The following XYLT1 variants were observed in gnomAD, a reference collection of about 807,000 sequenced individuals.
XYLT1 encodes the protein xylosyltransferase 1.
In XYLT1, 36 loss-of-function variants were observed where a neutral mutation model predicts 91.3. The ratio of observed to expected loss-of-function variants is 0.39; its 90% CI spans 0.30 to 0.52. XYLT1 has a LOEUF of 0.52. XYLT1 is among the 20% of genes least tolerant of loss of function. The pLI, the probability that XYLT1 is intolerant of heterozygous loss-of-function variation, is 0.68. For synonymous variants in XYLT1, 588 were observed against 532.0 expected (o/e 1.11, Z -1.45); for missense variants, 1,242 against 1,284.5 (o/e 0.97, Z 0.51).
intron 2 of XYLT1, among the ~76,000 whole-genome samples, chr16:17,343,162 C>T (rs1186843724): frequency 6.6e-6 from 1 of 152,162 alleles, no homozygotes; most frequent in African/African-American, 2.4e-5. Flanking sequence ...GAGTAAATGC[C>T]AGCAAGGGTT....
intron 2 of XYLT1, among the ~76,000 whole-genome samples, chr16:17,282,583 G>A (rs928251554): frequency 5.3e-5 from 8 of 152,194 alleles, no homozygotes; most frequent in South Asian, 2.1e-4. Flanking sequence ...GAAGGGCACC[G>A]GCATTTCTGC....
At chr16:17,353,510 G>T (rs1230339543) in intron 2 of XYLT1, among the ~76,000 whole-genome samples, 1 of 152,188 alleles carries the variant, frequency 6.6e-6, no homozygotes, top group Non-Finnish European at 1.5e-5. Context: ...CTGATGCGCA[G>T]GGACATGTTT....
intron 2 of XYLT1, among the ~76,000 whole-genome samples, chr16:17,350,732 T>TA (rs1567387352): frequency 1.3e-5 from 2 of 150,568 alleles, no homozygotes; most frequent in Non-Finnish European, 2.9e-5. Flanking sequence ...GAGACTCAGG[T>TA]AAGAGCCATT....
At chr16:17,294,280 C>T (rs1309411451) in intron 2 of XYLT1, among the ~76,000 whole-genome samples, 1 of 152,128 alleles carries the variant, frequency 6.6e-6, no homozygotes, top group Non-Finnish European at 1.5e-5. Context: ...CAGGTGGCAA[C>T]ACCTGTCCAA....
At position 17,454,903 on chromosome 16, in the gene XYLT1, TCCCCC is replaced by T. The variant is rs201490419; in HGVS notation, c.363+15526_363+15530del. 2.7e-4 allele frequency among the ~76,000 whole-genome samples: 10 copies of T among 36,972 alleles called. 1 individual carries two copies. The highest frequency in any genetic ancestry group is 1.5e-3 in the African/African-American group (8 of 5,362). The allele number at this position is 36,972 out of a possible 152,430, so 24.3% of individuals were successfully genotyped here. A position where few individuals can be genotyped will look rare whatever the true frequency, so the allele number is the denominator to read the frequency against. ...CGCGTCACAAAATATCATTCTTTCC[TCCCCC>T]CCCCGCCCCCCCCCGCAACTATTTA... On this transcript the variant is annotated intron_variant, in intron 1 of 11. Coordinates refer to ENST00000261381, the MANE Select transcript of XYLT1 (RefSeq NM_022166.4).
intron 5 of XYLT1, among the ~76,000 whole-genome samples, chr16:17,177,923 G>A (rs954499053): frequency 7.9e-5 from 12 of 152,196 alleles, no homozygotes; most frequent in African/African-American, 2.2e-4. Context: ...TGCTTTTAGC[G>A]GGGGAGCAGA....
chr16:17,383,539 C>T (rs530441442), intron 1 of XYLT1, among the ~76,000 whole-genome samples: 2 of 151,848 alleles, frequency 1.3e-5, no homozygotes, highest in Non-Finnish European at 2.9e-5. Flanking sequence ...ACGGTCCTGG[C>T]TCGGCAACTG....
rs1417058622 is a variant in XYLT1, at chr16:17,210,450, G to A, written c.914-9796C>T. On this transcript the variant is annotated intron_variant, in intron 3 of 11. Transcript: ENST00000261381. The stretch of plus-strand genomic sequence containing the variant: ...AAATGAGCTGGGCATGGTGGTGCAC[G>A]CCTATAATCCCAGCTACTCAGGAGG... Among the ~76,000 whole-genome samples the A allele has an allele frequency of 3.3e-5, 5 of 152,292 alleles. 1 individual carries two copies. Among genetic ancestry groups the A allele is most frequent in the African/African-American group, 7.2e-5 (3 of 41,574 alleles).
intron 10 of XYLT1, among the ~76,000 whole-genome samples, chr16:17,118,989 T>A (rs771499051): frequency 2.6e-5 from 4 of 152,172 alleles, no homozygotes; most frequent in Non-Finnish European, 5.9e-5. Flanking sequence ...AAATTTCAAA[T>A]GGACCTTCAG....
chr16:17,215,809 G>A (rs1040884459), intron 3 of XYLT1, among the ~76,000 whole-genome samples: 8 of 152,096 alleles, frequency 5.3e-5, no homozygotes, highest in African/African-American at 1.7e-4. Flanking sequence ...CAGTGTGGCT[G>A]GAACTGAGGC....
At chr16:17,229,237 A>C (rs1185068449) in intron 3 of XYLT1, among the ~76,000 whole-genome samples, 1 of 152,158 alleles carries the variant, frequency 6.6e-6, no homozygotes, top group African/African-American at 2.4e-5. Context: ...CTGACGTGCA[A>C]AAAATGTGCA....
chr16:17,138,113 G>T, intron 8 of XYLT1: 1 of 451,604 alleles, frequency 2.2e-6, no homozygotes, highest in South Asian at 5.2e-5. Flanking sequence ...TCCCTAAAAT[G>T]GAATAATAAT....
rs560823765 is a variant in XYLT1, at chr16:17,424,644, C to T, written c.363+45790G>A. On this transcript the variant is annotated intron_variant, in intron 1 of 11. Coordinates refer to ENST00000261381, the MANE Select transcript of XYLT1 (RefSeq NM_022166.4). ...CAGCACTTTGGGAGGCCGAGGCAGG[C>T]GGATCACGAGGTCAGGAGTTACAGA... 1.1e-4 allele frequency among the ~76,000 whole-genome samples: 17 copies of T among 151,994 alleles called. 1 individual carries two copies. Among genetic ancestry groups the T allele is most frequent in the Non-Finnish European group, 2.2e-4 (15 of 67,972 alleles).
intron 1 of XYLT1, among the ~76,000 whole-genome samples, chr16:17,450,459 A>G (rs776228739): frequency 1.3e-5 from 2 of 152,212 alleles, no homozygotes; most frequent in Non-Finnish European, 2.9e-5. Context: ...AATCACACCA[A>G]AACAGCCACG....
intron 5 of XYLT1, among the ~76,000 whole-genome samples, chr16:17,183,247 T>C (rs369050250): frequency 2.0e-5 from 3 of 152,160 alleles, no homozygotes; most frequent in East Asian, 3.9e-4. Flanking sequence ...TGGGGGCAAC[T>C]TGGCAGTTGG....
At chr16:17,109,731 A>AAGCTGAATCATATCT (rs1966828061) in intron 11 of XYLT1, among the ~76,000 whole-genome samples, 1 of 152,186 alleles carries the variant, frequency 6.6e-6, no homozygotes, top group African/African-American at 2.4e-5. Flanking sequence ...TTTACCCAAC[A>AAGCTGAATCATATCT]AGCTGAAAAT....
chr16:17,423,279 C>T (rs944923925), intron 1 of XYLT1, among the ~76,000 whole-genome samples: 1 of 148,914 alleles, frequency 6.7e-6, no homozygotes, highest in African/African-American at 2.6e-5. Context: ...GATGTTTCAT[C>T]TCATGTGAAA....
chr16:17,128,653 T>C (rs772911676), intron 9 of XYLT1, among the ~76,000 whole-genome samples: 3 of 152,216 alleles, frequency 2.0e-5, no homozygotes, highest in Non-Finnish European at 4.4e-5. Context: ...TAAACACACA[T>C]GCACATACAT....
chr16:17,117,585 A>G, intron 11 of XYLT1, 61 bp downstream of exon 11: 2 of 1,548,870 alleles, frequency 1.3e-6, no homozygotes, highest in Non-Finnish European at 1.8e-6. Flanking sequence ...ACCAACACCA[A>G]AGACCCTCAA....
Sources: allele counts gnomAD v4.1 joint callset (sites outside exome capture counted in the v4.1 genomes callset), GRCh38; gene constraint gnomAD v4.1.1; transcripts MANE v1.5; gene names NCBI Gene and HGNC (gene_info 2026-07-23, HGNC 2026-07-21).